Variants in UBE2E2 observed in about 807,000 individuals in gnomAD.
UBE2E2 encodes the protein ubiquitin conjugating enzyme E2 E2, also known as ubiquitin-conjugating enzyme E2 E2.
In UBE2E2, 6 loss-of-function variants were observed where a neutral mutation model predicts 24.7. The observed-to-expected ratio is 0.24, with a 90% confidence interval of 0.13 to 0.48. The LOEUF (loss-of-function observed/expected upper bound fraction) is 0.48. UBE2E2 is among the 20% of genes least tolerant of loss of function. The pLI is 0.99. For synonymous variants in UBE2E2, 104 were observed against 83.6 expected (o/e 1.24, Z -1.33); for missense variants, 169 against 245.0 (o/e 0.69, Z 2.07).
chr3:23,409,885 T>C (rs1285231161), intron 3 of UBE2E2, among the ~76,000 whole-genome samples: 1 of 152,160 alleles, frequency 6.6e-6, no homozygotes, highest in Non-Finnish European at 1.5e-5. Context: ...TCACACAGCC[T>C]TTTTCCCTGT....
chr3:23,293,389 C>A (rs1698823756), intron 3 of UBE2E2, among the ~76,000 whole-genome samples: 1 of 152,178 alleles, frequency 6.6e-6, no homozygotes, highest in African/African-American at 2.4e-5. Flanking sequence ...GAGTTGAGAT[C>A]AAATTCATTT....
chr3:23,250,338 G>T (rs984462479), intron 3 of UBE2E2, among the ~76,000 whole-genome samples: 3 of 152,088 alleles, frequency 2.0e-5, no homozygotes, highest in African/African-American at 7.2e-5. Context: ...GCCTACTCCA[G>T]TTCCTTGAAG....
At chr3:23,274,895 A>C (rs951052370) in intron 3 of UBE2E2, among the ~76,000 whole-genome samples, 4 of 152,154 alleles carry the variant, frequency 2.6e-5, no homozygotes, top group Non-Finnish European at 5.9e-5. Flanking sequence ...AATTGCCCTT[A>C]TTTATTCACT....
intron 3 of UBE2E2, among the ~76,000 whole-genome samples, chr3:23,308,046 C>G (rs981436576): frequency 1.3e-5 from 2 of 152,184 alleles, no homozygotes; most frequent in African/African-American, 4.8e-5. Flanking sequence ...CAACTCCCCC[C>G]CAAATACTGT....
intron 3 of UBE2E2, among the ~76,000 whole-genome samples, chr3:23,297,251 C>T (rs922495475): frequency 1.3e-5 from 2 of 151,894 alleles, no homozygotes; most frequent in South Asian, 2.1e-4. Context: ...TTCTCCCATT[C>T]TGTAGGTTGC....
chr3:23,532,553 G>T lies in UBE2E2; in HGVS notation c.361-1G>T. 6.6e-7 allele frequency: 1 copy of T among 1,508,486 alleles called. No homozygotes were observed. The highest frequency in any genetic ancestry group is 1.4e-5 in the African/African-American group (1 of 73,810). The allele number at this position is 1,508,486 out of a possible 1,614,324, so 93.4% of individuals were successfully genotyped here. On this transcript the variant is annotated splice_acceptor_variant, in intron 4 of 5. Transcript: ENST00000396703. LOFTEE classifies it high-confidence loss of function. ...AAATATAACTTTACATTTTCTTGTAGGTTACCTTCCGAACAAGAATCTATC... is the reference window on the plus strand; with the variant it reads ...AAATATAACTTTACATTTTCTTGTATGTTACCTTCCGAACAAGAATCTATC...
chr3:23,419,136 G>C (rs1908773), intron 3 of UBE2E2, among the ~76,000 whole-genome samples: 5 of 151,658 alleles, frequency 3.3e-5, no homozygotes, highest in Admixed American at 6.6e-5. Context: ...TTATTTTTAT[G>C]TTTTATTTTG....
intron 3 of UBE2E2, among the ~76,000 whole-genome samples, chr3:23,262,002 T>G (rs546210811): frequency 7.9e-5 from 12 of 152,306 alleles, no homozygotes; most frequent in Non-Finnish European, 1.6e-4. Context: ...GAAGTAGCAT[T>G]GCTAAAACAA....
chr3:23,551,655 G>C (rs1407300242), intron 5 of UBE2E2, among the ~76,000 whole-genome samples: 1 of 152,158 alleles, frequency 6.6e-6, no homozygotes, highest in Non-Finnish European at 1.5e-5. Context: ...AGCTGGAAGA[G>C]GATTATCCTG....
rs911014044 is a variant in UBE2E2, at chr3:23,280,088, ACG to A, written c.227+62777_227+62778del. On this transcript the variant is annotated intron_variant, in intron 3 of 5. Coordinates refer to ENST00000396703, the MANE Select transcript of UBE2E2 (RefSeq NM_152653.4). This position sits in a 1 kb window ranked among gnomAD's most constrained non-coding sequence, Gnocchi z 4.3. ...GAGAAAACACATTTGACTTATTACC[ACG>A]GTAAGGTTCAAATTACTGATATCAC... Among the ~76,000 whole-genome samples the A allele has an allele frequency of 6.6e-6, 1 of 152,204 alleles. No homozygotes were observed. Among genetic ancestry groups the A allele is most frequent in the Non-Finnish European group, 1.5e-5 (1 of 68,030 alleles).
chr3:23,235,204 A>G (rs1470714487), intron 3 of UBE2E2, among the ~76,000 whole-genome samples: 7 of 152,184 alleles, frequency 4.6e-5, no homozygotes, highest in African/African-American at 1.7e-4. Flanking sequence ...GGGGAAGTAA[A>G]CAGACATCAT....
At chr3:23,435,184 A>G (rs949942075) in intron 3 of UBE2E2, among the ~76,000 whole-genome samples, 1 of 152,230 alleles carries the variant, frequency 6.6e-6, no homozygotes, top group Non-Finnish European at 1.5e-5. Context: ...CTTGAAATCA[A>G]TAGTAATAGT....
intron 3 of UBE2E2, among the ~76,000 whole-genome samples, chr3:23,366,024 A>G (rs1049412544): frequency 3.3e-5 from 5 of 152,206 alleles, no homozygotes; most frequent in African/African-American, 7.2e-5. Flanking sequence ...AGGACTTTCT[A>G]TATAATAAGT....
At chr3:23,478,461 G>A (rs1476511030) in intron 3 of UBE2E2, among the ~76,000 whole-genome samples, 2 of 152,148 alleles carry the variant, frequency 1.3e-5, no homozygotes, top group African/African-American at 4.8e-5. Context: ...AAAGAAATAA[G>A]ACTAAGTACA....
At chr3:23,257,336 C>T (rs1050398413) in intron 3 of UBE2E2, among the ~76,000 whole-genome samples, 1 of 152,084 alleles carries the variant, frequency 6.6e-6, no homozygotes, top group Non-Finnish European at 1.5e-5. Context: ...TTCCTTGACT[C>T]CAGGACTGTG....
intron 3 of UBE2E2, among the ~76,000 whole-genome samples, chr3:23,370,450 C>T (rs759447925): frequency 6.6e-6 from 1 of 152,064 alleles, no homozygotes; most frequent in Non-Finnish European, 1.5e-5. Context: ...ACAAAGTAAA[C>T]CCCATTATAG....
chr3:23,271,196 C>G (rs1191041500), intron 3 of UBE2E2: 1 of 394,992 alleles, frequency 2.5e-6, no homozygotes. Context: ...GTCTCGCTGA[C>G]TTCAAGAATG....
chr3:23,313,737 A>G (rs1335663785), intron 3 of UBE2E2, among the ~76,000 whole-genome samples: 1 of 152,048 alleles, frequency 6.6e-6, no homozygotes, highest in East Asian at 1.9e-4. Context: ...TGGAGAGTAT[A>G]GTCCACTTAC....
At chr3:23,505,363 G>A (rs970001747) in intron 4 of UBE2E2, among the ~76,000 whole-genome samples, 8 of 152,060 alleles carry the variant, frequency 5.3e-5, no homozygotes, top group Non-Finnish European at 1.2e-4. Context: ...ATCTGTACAT[G>A]ACATAAAAAA....
Sources: allele counts gnomAD v4.1 joint callset (sites outside exome capture counted in the v4.1 genomes callset), GRCh38; gene constraint gnomAD v4.1.1; non-coding constraint Gnocchi (gnomAD v3.1); transcripts MANE v1.5; gene names NCBI Gene and HGNC (gene_info 2026-07-23, HGNC 2026-07-21).